SYK: variants seen among roughly 807,000 people sequenced by gnomAD.
The protein encoded by SYK is spleen associated tyrosine kinase, also known as tyrosine-protein kinase SYK.
A neutral mutation model predicts 77.8 loss-of-function variants in SYK; 16 were observed. The ratio of observed to expected loss-of-function variants is 0.21; its 90% confidence interval spans 0.14 to 0.31. The LOEUF is 0.31. Ranked by LOEUF, SYK falls within the 10% of genes least tolerant of loss-of-function variation. The pLI is 1.00. For missense variants in SYK, 529 were observed against 814.4 expected, an observed-to-expected ratio of 0.65 and a Z score of 4.26; for synonymous variants, 312 against 308.7, an observed-to-expected ratio of 1.01 and a Z score of -0.11.
intron 1 of SYK, 142 bp from the exon 2 acceptor site, chr9:90,843,716 T>C (rs1268807025): frequency 3.9e-6 from 2 of 517,240 alleles, no homozygotes; most frequent in East Asian, 6.8e-5. Context: ...GACAACTGTG[T>C]GTTGGGAGGG....
At chr9:90,802,879 G>T (rs770095215) in intron 1 of SYK, among the ~76,000 whole-genome samples, 2 of 142,968 alleles carry the variant, frequency 1.4e-5, no homozygotes. Context: ...AATAAAAAAA[G>T]GAACCATTTA....
chr9:90,872,331 C>T (rs1460440267), intron 7 of SYK, among the ~76,000 whole-genome samples: 2 of 152,190 alleles, frequency 1.3e-5, no homozygotes, highest in East Asian at 3.8e-4. Flanking sequence ...CCGAGGACAT[C>T]CTTTAATTCC....
chr9:90,874,580 A>T, intron 8 of SYK, 92 bp from the exon 9 acceptor site: 2 of 1,415,418 alleles, frequency 1.4e-6, no homozygotes, highest in Non-Finnish European at 9.7e-7. Context: ...TGCTACTCTG[A>T]GTTCATATTC....
intron 11 of SYK, among the ~76,000 whole-genome samples, chr9:90,885,608 C>A (rs1313688568): frequency 6.6e-6 from 1 of 152,210 alleles, no homozygotes; most frequent in Non-Finnish European, 1.5e-5. Context: ...ATTAGAAATC[C>A]TATTTAATGA....
intron 1 of SYK, among the ~76,000 whole-genome samples, chr9:90,821,377 C>A (rs1424210320): frequency 6.6e-6 from 1 of 152,204 alleles, no homozygotes; most frequent in African/African-American, 2.4e-5. Context: ...GACAGTTCCA[C>A]ATGGCTGGGA....
chr9:90,822,511 A>G (rs914925), intron 1 of SYK, among the ~76,000 whole-genome samples: 65,644 of 152,164 alleles, frequency 0.43, 15,879 homozygotes, highest in South Asian at 0.57. Flanking sequence ...ATGAAAGAAT[A>G]ATTTTTCATA....
intron 7 of SYK, among the ~76,000 whole-genome samples, chr9:90,872,823 C>T (rs972802266): frequency 1.3e-5 from 2 of 152,228 alleles, no homozygotes; most frequent in Admixed American, 6.5e-5. Flanking sequence ...TCCTTGTGGA[C>T]GTGGCACAGT....
At chr9:90,828,563 A>T (rs1348877586) in intron 1 of SYK, among the ~76,000 whole-genome samples, 1 of 151,888 alleles carries the variant, frequency 6.6e-6, no homozygotes, top group East Asian at 1.9e-4. Flanking sequence ...GCTGGCTGCA[A>T]CCCCACCCTG....
intron 11 of SYK, among the ~76,000 whole-genome samples, chr9:90,883,619 G>C (rs1828242610): frequency 1.3e-5 from 2 of 152,236 alleles, no homozygotes; most frequent in South Asian, 2.1e-4. Context: ...ACAGCCAGCA[G>C]CTGAATGCAC....
chr9:90,808,680 C>T (rs1010517864), intron 1 of SYK, among the ~76,000 whole-genome samples: 35 of 152,074 alleles, frequency 2.3e-4, no homozygotes, highest in African/African-American at 8.2e-4. Flanking sequence ...CTGTCTTTTC[C>T]TGCGAGGCGT....
intron 9 of SYK, 92 bp from the exon 10 acceptor site, chr9:90,877,479 G>C: frequency 7.0e-7 from 1 of 1,426,052 alleles, no homozygotes; most frequent in South Asian, 1.3e-5. Flanking sequence ...CCGTGGGACT[G>C]TTTCCACAGG....
chr9:90,820,719 T>A (rs1825481723), intron 1 of SYK, among the ~76,000 whole-genome samples: 1 of 152,204 alleles, frequency 6.6e-6, no homozygotes, highest in South Asian at 2.1e-4. Flanking sequence ...CCTGGAGACA[T>A]CTTCCCCATG....
intron 1 of SYK, among the ~76,000 whole-genome samples, chr9:90,813,415 G>A (rs1412092500): frequency 6.6e-6 from 1 of 151,200 alleles, no homozygotes; most frequent in Non-Finnish European, 1.5e-5. Context: ...CTCTAGAATT[G>A]TGGCTTAGAC....
intron 1 of SYK, among the ~76,000 whole-genome samples, chr9:90,815,662 A>G (rs1825264597): frequency 1.3e-5 from 2 of 152,268 alleles, no homozygotes; most frequent in Admixed American, 6.5e-5. Context: ...GTCTTAACAA[A>G]ATTGATACGT....
chr9:90,880,236 A>G (rs1828097975), intron 11 of SYK, among the ~76,000 whole-genome samples: 1 of 152,222 alleles, frequency 6.6e-6, no homozygotes, highest in Non-Finnish European at 1.5e-5. Flanking sequence ...GTGATGGGGA[A>G]TGGTGGACCT....
chr9:90,861,059 A>T (rs10993729), intron 3 of SYK, among the ~76,000 whole-genome samples: 30,168 of 152,034 alleles, frequency 0.2, 3,459 homozygotes, highest in Admixed American at 0.3. Context: ...GATCTCATGA[A>T]CCAAAGGGCT....
chr9:90,878,659 A>C, intron 10 of SYK, 105 bp from the exon 11 acceptor site: 1 of 907,774 alleles, frequency 1.1e-6, no homozygotes, highest in South Asian at 1.8e-5. Flanking sequence ...TTGTTTAAGA[A>C]GAGGGAAGGA....
chr9:90,887,917 C>T, intron 12 of SYK, 28 bp downstream of exon 12: 3 of 1,555,408 alleles, frequency 1.9e-6, no homozygotes, highest in Non-Finnish European at 2.6e-6. Context: ...CATTTTCTCA[C>T]TGTGGGGCCA....
At chr9:90,863,295 C>T (rs1281320531) in intron 4 of SYK, among the ~76,000 whole-genome samples, 1 of 152,190 alleles carries the variant, frequency 6.6e-6, no homozygotes, top group Non-Finnish European at 1.5e-5. Flanking sequence ...GCACCAGCTA[C>T]CTTGAACATG....
Sources: allele counts gnomAD v4.1 joint callset (sites outside exome capture counted in the v4.1 genomes callset), GRCh38; gene constraint gnomAD v4.1.1; transcripts MANE v1.5; gene names NCBI Gene and HGNC (gene_info 2026-07-23, HGNC 2026-07-21).